The following DST variants were observed in gnomAD, a reference collection of about 807,000 sequenced individuals.
The protein encoded by DST is bullous pemphigoid antigen.
In DST, 253 loss-of-function variants were observed where a neutral mutation model predicts 875.2. The observed-to-expected ratio is 0.29, with a 90% CI of 0.26 to 0.32. DST has a LOEUF of 0.32. DST is among the 10% of genes least tolerant of loss of function. The pLI is 1.00. For synonymous variants in DST, 3,124 were observed against 3,197.1 expected (o/e 0.98, Z 0.77); for missense variants, 8,287 against 9,111.6 (o/e 0.91, Z 3.68).
intron 14 of DST, 30 bp downstream of exon 14, chr6:56,646,057 C>T (rs1282380003): frequency 1.3e-6 from 2 of 1,573,502 alleles, no homozygotes; most frequent in Non-Finnish European, 1.7e-6. Flanking sequence ...AAAGACTATG[C>T]TTGACAATAC....
At chr6:56,922,562 G>C (rs932307688) in intron 2 of DST, among the ~76,000 whole-genome samples, 1 of 152,052 alleles carries the variant, frequency 6.6e-6, no homozygotes, top group Non-Finnish European at 1.5e-5. Context: ...TGCATCTCTA[G>C]CCTCAGTGAC....
At chr6:56,907,405 G>A (rs1423465968) in intron 2 of DST, among the ~76,000 whole-genome samples, 4 of 151,772 alleles carry the variant, frequency 2.6e-5, no homozygotes, top group Non-Finnish European at 5.9e-5. Context: ...GTGTAGATGG[G>A]CATAAAAAGG....
intron 5 of DST, among the ~76,000 whole-genome samples, chr6:56,706,257 T>C (rs1221688496): frequency 6.7e-6 from 1 of 148,832 alleles, no homozygotes; most frequent in Non-Finnish European, 1.5e-5. Context: ...GAGGTTGCAG[T>C]GGGCCGAGAT....
intron 49 of DST, among the ~76,000 whole-genome samples, chr6:56,584,237 C>T (rs1371877708): frequency 2.0e-5 from 3 of 151,808 alleles, no homozygotes; most frequent in East Asian, 3.9e-4. Context: ...ATGGAATGTT[C>T]TTCCATTTGT....
intron 4 of DST, among the ~76,000 whole-genome samples, chr6:56,797,130 A>G (rs2099740803): frequency 6.6e-6 from 1 of 152,120 alleles, no homozygotes; most frequent in Non-Finnish European, 1.5e-5. Flanking sequence ...TTATCATTAT[A>G]TCTGTTATGA....
chr6:56,509,724 C>T lies in DST; in HGVS notation c.18930G>A (p.Gln6310=), dbSNP rs1429229831. Residue 6310 remains glutamine, a synonymous_variant, in exon 74 of 104, where the codon CAG becomes CAA. Coordinates refer to ENST00000680361, the MANE Select transcript of DST (RefSeq NM_001374736.1). ...TCTGTTTAAGAGTTTCATACAACGG[C>T]TGTAGCTTTTCCATGTCTACTGACA... ...KNVSVDMEKL[Q]PLYETLKQRG... The T allele has an allele frequency of 6.2e-7, 1 of 1,613,776 alleles. No individual in the cohort carries two copies. The highest frequency in any genetic ancestry group is 8.5e-7 in the Non-Finnish European group (1 of 1,179,770).
chr6:56,804,539 G>T (rs2099750948), intron 4 of DST, among the ~76,000 whole-genome samples: 1 of 152,008 alleles, frequency 6.6e-6, no homozygotes, highest in Admixed American at 6.6e-5. Context: ...AATCTGCTGA[G>T]GCTCAATACA....
Position 56,560,384 on chromosome 6 carries a change from G to A in DST, c.14350C>T (p.Gln4784Ter). The A allele has an allele frequency of 6.2e-7, 1 of 1,604,634 alleles. No homozygotes were observed. Among genetic ancestry groups the A allele is most frequent in the Non-Finnish European group, 8.5e-7 (1 of 1,174,696 alleles). The change falls in exon 58 of 104, where the codon CAG becomes TAG. Residue 4784 changes from glutamine to a stop codon, truncating the protein, a stop_gained. Transcript: ENST00000680361. LOFTEE classifies it high-confidence loss of function. Reference sequence around the variant, plus strand: ...TCTGTCAATTTGTCTTTCAACTCCTGTACTTTGTTTACATTCTGCTTCAGT... The same window carrying A: ...TCTGTCAATTTGTCTTTCAACTCCTATACTTTGTTTACATTCTGCTTCAGT... ...AELKQNVNKV[Q>*]ELKDKLTELL...
intron 3 of DST, among the ~76,000 whole-genome samples, chr6:56,860,969 C>T (rs1440206150): frequency 1.3e-5 from 2 of 151,596 alleles, no homozygotes; most frequent in African/African-American, 4.8e-5. Flanking sequence ...CTGGAGACAA[C>T]AAAAACTTAG....
At chr6:56,920,153 T>C (rs1346418390) in intron 2 of DST, among the ~76,000 whole-genome samples, 3 of 152,156 alleles carry the variant, frequency 2.0e-5, no homozygotes, top group African/African-American at 4.8e-5. Context: ...GATCCAAAAG[T>C]ACAGCTATTA....
At chr6:56,859,046 A>G (rs1306782150) in intron 3 of DST, among the ~76,000 whole-genome samples, 2 of 152,172 alleles carry the variant, frequency 1.3e-5, no homozygotes, top group Non-Finnish European at 2.9e-5. Context: ...AGCCCTAAAG[A>G]TTACCATATA....
intron 36 of DST, chr6:56,617,945 G>C (rs2098644114): frequency 6.5e-7 from 1 of 1,542,904 alleles, no homozygotes; most frequent in Non-Finnish European, 9.0e-7. Context: ...GAGGAAACTT[G>C]ACATTAGGTA....
intron 5 of DST, among the ~76,000 whole-genome samples, chr6:56,719,507 A>AT (rs1475224204): frequency 6.6e-6 from 1 of 152,250 alleles, no homozygotes; most frequent in African/African-American, 2.4e-5. Context: ...TCAGTTCTAC[A>AT]TTAGCATAGG....
intron 4 of DST, among the ~76,000 whole-genome samples, chr6:56,755,175 C>T (rs779936462): frequency 6.6e-6 from 1 of 151,046 alleles, no homozygotes; most frequent in East Asian, 1.9e-4. Flanking sequence ...AATAGGAAAC[C>T]GGTTGACTAC....
chr6:56,568,511 C>A lies in DST; in HGVS notation c.13963G>T (p.Ala4655Ser), dbSNP rs370851951. 1.2e-6 allele frequency: 2 copies of A among 1,612,266 alleles called. No homozygotes were observed. Among genetic ancestry groups the A allele is most frequent in the Admixed American group, 1.7e-5 (1 of 59,784 alleles). Residue 4655 changes from alanine to serine, a missense_variant, in exon 55 of 104, where the codon GCT (alanine) becomes TCT (serine). Coordinates refer to ENST00000680361, the MANE Select transcript of DST (RefSeq NM_001374736.1). The stretch of plus-strand genomic sequence containing the variant: ...ATTGCCTTTGCAGGGGTGGTCACAG[C>A]ACTTATTAAGTTACATAGTGAGATC... ...SGISLCNLIS[A>S]VTTPAKAIAA...
chr6:56,800,720 T>C (rs889639230), intron 4 of DST, among the ~76,000 whole-genome samples: 2 of 151,908 alleles, frequency 1.3e-5, no homozygotes, highest in African/African-American at 4.8e-5. Context: ...ACAAAAAAAA[T>C]AAAAACTCCT....
intron 4 of DST, among the ~76,000 whole-genome samples, chr6:56,795,667 T>C (rs1221171327): frequency 6.6e-6 from 1 of 152,120 alleles, no homozygotes; most frequent in Non-Finnish European, 1.5e-5. Flanking sequence ...ATACCAGGAT[T>C]TGGTCAAAGT....
intron 72 of DST, 105 bp from the exon 73 acceptor site, chr6:56,511,505 C>A (rs1307264404): frequency 3.4e-6 from 3 of 874,206 alleles, no homozygotes; most frequent in Non-Finnish European, 5.3e-6. Context: ...CAAACAAACC[C>A]CTCCCCATCA....
rs79744135 is a variant in DST at position 56,758,424 on chromosome 6, C to T, written c.626-23135G>A. ...TGGCAAAGCAATGTGACAAAAGGAACCTGGGTCCCTGTTCCAGTTACTATG... is the reference window on the plus strand; with the variant it reads ...TGGCAAAGCAATGTGACAAAAGGAATCTGGGTCCCTGTTCCAGTTACTATG... On this transcript the variant is annotated intron_variant, in intron 4 of 103. Coordinates refer to ENST00000680361, the MANE Select transcript of DST (RefSeq NM_001374736.1). Among the ~76,000 whole-genome samples, 1,177 of 142,922 alleles carry T rather than the reference C, an allele frequency of 8.2e-3. 6 individuals carry two copies. Among genetic ancestry groups the T allele is most frequent in the Non-Finnish European group, 0.014 (944 of 66,664 alleles). 93.8% of individuals were successfully genotyped at this position (142,922 alleles called of 152,430 possible).
Sources: gnomAD v4.1 joint callset for allele counts (sites outside exome capture counted in the v4.1 genomes callset) on GRCh38, gnomAD v4.1.1 for gene constraint, MANE v1.5 for transcripts, NCBI Gene and HGNC (gene_info 2026-07-23, HGNC 2026-07-21) for gene names.